Variants in RBFOX1 observed in about 807,000 individuals in gnomAD.
RBFOX1 encodes RNA binding fox-1 homolog 1.
A neutral mutation model predicts 57.7 loss-of-function variants in RBFOX1; 8 were observed. The ratio of observed to expected loss-of-function variants is 0.14; its 90% CI spans 0.08 to 0.25. The LOEUF is 0.25. Among genes scored for constraint, RBFOX1 ranks in the 10% least tolerant of loss-of-function variants. The pLI, the probability that RBFOX1 is intolerant of heterozygous loss-of-function variation, is 1.00. For missense variants in RBFOX1, 611 were observed against 548.5 expected, an observed-to-expected ratio of 1.11 and a Z score of -1.14; for synonymous variants, 326 against 222.4, an observed-to-expected ratio of 1.47 and a Z score of -4.15.
rs1362436164 is a variant in RBFOX1, at chr16:5,485,319, C to G, written c.258+18065C>G. ...CGAGATTGCGCCACTGCACTCCAGC[C>G]TGGGCGACAGAGCCAGACTCCGTGT... On this transcript the variant is annotated intron_variant, in intron 2 of 2. Coordinates refer to the RBFOX1 transcript ENST00000585867. 5.8e-5 allele frequency among the ~76,000 whole-genome samples: 7 copies of G among 120,704 alleles called. No homozygotes were observed. The East Asian group carries it at 1.6e-3, about 27-fold the overall frequency. The allele number at this position is 120,704 out of a possible 152,430, so 79.2% of individuals were successfully genotyped here.
At chr16:6,354,741 T>C (rs570251413) in intron 2 of RBFOX1, among the ~76,000 whole-genome samples, 1 of 152,334 alleles carries the variant, frequency 6.6e-6, no homozygotes, top group East Asian at 1.9e-4. Flanking sequence ...CACTAATCTC[T>C]GAAACCACTT....
chr16:5,257,354 T>C (rs1372369191), intron 1 of RBFOX1, among the ~76,000 whole-genome samples: 1 of 152,198 alleles, frequency 6.6e-6, no homozygotes, highest in Non-Finnish European at 1.5e-5. Context: ...TTACATGCTA[T>C]GAGAACCTGG....
At chr16:5,936,149 A>G (rs529556340) in intron 4 of RBFOX1, among the ~76,000 whole-genome samples, 1 of 152,084 alleles carries the variant, frequency 6.6e-6, no homozygotes, top group East Asian at 1.9e-4. Context: ...TTTGAGACAG[A>G]GTTTCACTCT....
At chr16:5,392,262 G>T (rs1055381830) in intron 1 of RBFOX1, among the ~76,000 whole-genome samples, 2 of 151,934 alleles carry the variant, frequency 1.3e-5, no homozygotes, top group African/African-American at 4.8e-5. Context: ...AATACCACCT[G>T]TTCCTCTAAA....
At chr16:6,083,479 T>G (rs960183759) in intron 1 of RBFOX1, among the ~76,000 whole-genome samples, 3 of 152,062 alleles carry the variant, frequency 2.0e-5, no homozygotes, top group African/African-American at 7.2e-5. Flanking sequence ...CATTTTTGGT[T>G]TTGGTTTTGG....
At chr16:7,092,809 T>G (rs1259935621) in intron 4 of RBFOX1, among the ~76,000 whole-genome samples, 1 of 152,220 alleles carries the variant, frequency 6.6e-6, no homozygotes, top group Non-Finnish European at 1.5e-5. Context: ...TGGTAATTAT[T>G]TTTTCTTCAA....
intron 4 of RBFOX1, among the ~76,000 whole-genome samples, chr16:5,994,906 A>T (rs948784303): frequency 4.6e-5 from 7 of 152,206 alleles, no homozygotes; most frequent in African/African-American, 1.7e-4. Flanking sequence ...CTTCAGTGTC[A>T]TGAACAGATC....
intron 10 of RBFOX1, among the ~76,000 whole-genome samples, chr16:7,611,579 C>CAAA (rs1042522584): frequency 8.1e-5 from 7 of 86,048 alleles, no homozygotes; most frequent in Non-Finnish European, 1.7e-4. Flanking sequence ...AACTCTGTCT[C>CAAA]AAAAAAAAAA....
In RBFOX1 at chr16:6,349,920, T is replaced by TG. The variant is rs1290689785; in HGVS notation, c.-64+32869dup. The stretch of plus-strand genomic sequence containing the variant: ...CTCGTGTCTTCTACAGGGGATGCCA[T>TG]GGGGGGCAGTGGTGAGCTTAACTGC... On this transcript the variant is annotated intron_variant, in intron 2 of 15. Coordinates refer to ENST00000550418, the MANE Select transcript of RBFOX1 (RefSeq NM_018723.4). Among the ~76,000 whole-genome samples, 16 of 152,142 alleles carry TG rather than the reference T, an allele frequency of 1.1e-4. No homozygotes were observed. In the East Asian group the frequency reaches 2.9e-3, roughly 28 times the overall value.
At chr16:5,770,927 A>G (rs553299354) in intron 3 of RBFOX1, among the ~76,000 whole-genome samples, 1 of 152,286 alleles carries the variant, frequency 6.6e-6, no homozygotes, top group Admixed American at 6.5e-5. Context: ...AGGCACAACC[A>G]GTTATTCCAT....
At chr16:5,799,780 T>C (rs972110681) in intron 3 of RBFOX1, among the ~76,000 whole-genome samples, 2 of 152,300 alleles carry the variant, frequency 1.3e-5, no homozygotes, top group Admixed American at 6.5e-5. Flanking sequence ...CCATTGTAAA[T>C]TGAGGAGCTT....
At chr16:6,757,035 G>T (rs2075905545) in intron 3 of RBFOX1, among the ~76,000 whole-genome samples, 1 of 14,114 alleles carries the variant, frequency 7.1e-5, no homozygotes, top group Non-Finnish European at 2.3e-3. Context: ...ATGGCCAACA[G>T]GTATAAAAAA....
At chr16:5,860,267 G>A (rs1433251825) in intron 3 of RBFOX1, among the ~76,000 whole-genome samples, 2 of 152,108 alleles carry the variant, frequency 1.3e-5, no homozygotes, top group Non-Finnish European at 2.9e-5. Flanking sequence ...ATTTTTAGCA[G>A]AGAAGGGGTC....
chr16:7,432,419 T>A (rs1277063479), intron 4 of RBFOX1, among the ~76,000 whole-genome samples: 1 of 152,200 alleles, frequency 6.6e-6, no homozygotes, highest in African/African-American at 2.4e-5. Flanking sequence ...ATTCTCCTAA[T>A]GCAATCGTTG....
intron 4 of RBFOX1, among the ~76,000 whole-genome samples, chr16:7,085,196 T>C (rs1173110954): frequency 1.3e-5 from 2 of 151,884 alleles, no homozygotes; most frequent in Non-Finnish European, 2.9e-5. Context: ...TAAAGGAAAA[T>C]TGGTTATTCT....
intron 3 of RBFOX1, among the ~76,000 whole-genome samples, chr16:6,976,633 C>T (rs890210118): frequency 6.6e-6 from 1 of 150,698 alleles, no homozygotes; most frequent in African/African-American, 2.4e-5. Context: ...AAGAACGCAT[C>T]CACCCTAGGT....
intron 4 of RBFOX1, among the ~76,000 whole-genome samples, chr16:5,940,955 C>A (rs868469276): frequency 6.6e-6 from 1 of 151,998 alleles, no homozygotes; most frequent in African/African-American, 2.4e-5. Context: ...CAATTCTGCC[C>A]CTTAATTGAA....
intron 2 of RBFOX1, among the ~76,000 whole-genome samples, chr16:6,354,080 C>CGT (rs1353288177): frequency 6.6e-6 from 1 of 151,998 alleles, no homozygotes; most frequent in East Asian, 1.9e-4. Flanking sequence ...ATTAGCCAGG[C>CGT]CTGGTGGCAT....
chr16:7,510,508 T>TGTGTGC (rs1342452655), intron 4 of RBFOX1, among the ~76,000 whole-genome samples: 4 of 149,722 alleles, frequency 2.7e-5, no homozygotes, highest in Non-Finnish European at 5.9e-5. Flanking sequence ...TGTGTGTGTG[T>TGTGTGC]GTGGGCGCGC....
Sources: gnomAD v4.1 joint callset for allele counts (sites outside exome capture counted in the v4.1 genomes callset) on GRCh38, gnomAD v4.1.1 for gene constraint, MANE v1.5 for transcripts, NCBI Gene and HGNC (gene_info 2026-07-23, HGNC 2026-07-21) for gene names.